NEGR1: variants seen among roughly 807,000 people sequenced by gnomAD.
NEGR1 encodes IgLON family member 4.
Under a neutral mutation model 40.9 loss-of-function variants are expected in NEGR1, and 10 were observed. That is an observed-to-expected ratio of 0.24 (90% confidence interval 0.15 to 0.42). NEGR1 has a LOEUF of 0.42. Among genes scored for constraint, NEGR1 ranks in the 10% least tolerant of loss-of-function variants. The pLI is 1.00. For synonymous variants in NEGR1, 185 were observed against 166.8 expected (o/e 1.11, Z -0.84); for missense variants, 352 against 438.9 (o/e 0.80, Z 1.77).
chr1:71,659,012 A>G (rs1332346301), intron 4 of NEGR1, among the ~76,000 whole-genome samples: 2 of 152,160 alleles, frequency 1.3e-5, no homozygotes, highest in Admixed American at 1.3e-4. Context: ...GCTTGACCCA[A>G]TGTGATAAGA....
chr1:71,977,175 A>T (rs577903380), intron 1 of NEGR1, among the ~76,000 whole-genome samples: 5 of 152,202 alleles, frequency 3.3e-5, no homozygotes, highest in African/African-American at 9.6e-5. Flanking sequence ...ATACAAAAAA[A>T]ATTAGCTGGG....
chr1:71,461,608 A>G (rs1245547680), intron 6 of NEGR1: 1 of 152,168 alleles, frequency 6.6e-6, no homozygotes. Flanking sequence ...GCTTATGTCT[A>G]ATCTTCCCAT....
intron 6 of NEGR1, among the ~76,000 whole-genome samples, chr1:71,553,008 A>C (rs1173228046): frequency 2.0e-5 from 3 of 151,506 alleles, no homozygotes; most frequent in African/African-American, 7.3e-5. Flanking sequence ...ATTTATTTGC[A>C]GTCTATTTCG....
chr1:71,593,659 AAC>A (rs1323115344), intron 5 of NEGR1, among the ~76,000 whole-genome samples: 1 of 152,204 alleles, frequency 6.6e-6, no homozygotes, highest in Non-Finnish European at 1.5e-5. Flanking sequence ...CTAATTGTCC[AAC>A]AGTCTCTGGA....
chr1:72,003,526 CT>C (rs146941658), intron 1 of NEGR1, among the ~76,000 whole-genome samples: 7 of 151,786 alleles, frequency 4.6e-5, no homozygotes, highest in African/African-American at 7.3e-5. Context: ...GATTTGGATA[CT>C]TTTAGGTAGA....
chr1:71,609,529 AAAAAAAAAAAAAAAAAAAAAAAAAAAAG>A (rs1413375488), intron 5 of NEGR1, among the ~76,000 whole-genome samples: 1 of 106,118 alleles, frequency 9.4e-6, no homozygotes, highest in Non-Finnish European at 1.9e-5. Context: ...AAAAAAAAAA[AAAAAAAAAAAAAAAAAAAAAAAAAAAAG>A]AAATGAGACT....
At chr1:71,997,206 C>A (rs1393444056) in intron 1 of NEGR1, among the ~76,000 whole-genome samples, 1 of 152,054 alleles carries the variant, frequency 6.6e-6, no homozygotes. Context: ...CCATAAATTT[C>A]TCCAATTCTA....
chr1:72,168,645 T>G (rs1651852948), intron 1 of NEGR1, among the ~76,000 whole-genome samples: 1 of 152,192 alleles, frequency 6.6e-6, no homozygotes, highest in African/African-American at 2.4e-5. Context: ...ATCCCAGCAC[T>G]TTGGGAAGCC....
chr1:71,815,630 T>C (rs1658176046), intron 2 of NEGR1, among the ~76,000 whole-genome samples: 1 of 152,092 alleles, frequency 6.6e-6, no homozygotes, highest in Non-Finnish European at 1.5e-5. Context: ...TTAGTTCTTC[T>C]TGTTGAGTTG....
intron 2 of NEGR1, among the ~76,000 whole-genome samples, chr1:71,779,927 T>C (rs1379787370): frequency 2.6e-5 from 4 of 151,312 alleles, no homozygotes; most frequent in Non-Finnish European, 5.9e-5. Flanking sequence ...AGAGAATTGG[T>C]CAACTGGATG....
intron 4 of NEGR1, among the ~76,000 whole-genome samples, chr1:71,612,986 T>C (rs993908808): frequency 6.6e-6 from 1 of 152,230 alleles, no homozygotes; most frequent in East Asian, 1.9e-4. Flanking sequence ...TTTCAAGGAA[T>C]TGACTTTTAT....
Position 71,835,901 on chromosome 1 carries a change from T to C in NEGR1, c.410-59604A>G, listed in dbSNP as rs556715380. Among the ~76,000 whole-genome samples the C allele has an allele frequency of 4.0e-4, 61 of 152,244 alleles. 1 individual carries two copies. Among genetic ancestry groups the C allele is most frequent in the Middle Eastern group, 3.4e-3 (1 of 294 alleles). ...TGAGATTGTACACTATATATATGTA[T>C]ATATGCCTAGTCTATAGTATGTGTG... is the stretch of plus-strand genomic sequence containing the variant. On this transcript the variant is annotated intron_variant, in intron 2 of 6. Coordinates refer to ENST00000357731, the MANE Select transcript of NEGR1 (RefSeq NM_173808.3).
At chr1:71,453,505 T>C (rs1176151391) in intron 6 of NEGR1, among the ~76,000 whole-genome samples, 1 of 152,188 alleles carries the variant, frequency 6.6e-6, no homozygotes, top group South Asian at 2.1e-4. Context: ...ATCTTGCATT[T>C]AGTTTCATAG....
intron 1 of NEGR1, among the ~76,000 whole-genome samples, chr1:71,968,552 G>T (rs563995429): frequency 6.6e-6 from 1 of 152,252 alleles, no homozygotes; most frequent in South Asian, 2.1e-4. Flanking sequence ...TTTAAAGGGG[G>T]AATAATATTT....
At chr1:71,600,156 G>C (rs897895809) in intron 5 of NEGR1, among the ~76,000 whole-genome samples, 2 of 152,152 alleles carry the variant, frequency 1.3e-5, no homozygotes, top group African/African-American at 4.8e-5. Context: ...GGATTCATTT[G>C]TACTAATAGT....
intron 6 of NEGR1, among the ~76,000 whole-genome samples, chr1:71,445,736 C>T (rs1028532013): frequency 6.6e-6 from 1 of 152,190 alleles, no homozygotes; most frequent in Admixed American, 6.5e-5. Context: ...TACGTACCAG[C>T]AAGCAATTGG....
intron 1 of NEGR1, among the ~76,000 whole-genome samples, chr1:72,139,646 T>C (rs1030645412): frequency 6.6e-6 from 1 of 152,096 alleles, no homozygotes; most frequent in Non-Finnish European, 1.5e-5. Context: ...AAATCATTTA[T>C]GTAAAATTCT....
chr1:72,275,717 G>A (rs879549159), intron 1 of NEGR1, among the ~76,000 whole-genome samples: 5 of 152,012 alleles, frequency 3.3e-5, no homozygotes, highest in Non-Finnish European at 7.4e-5. Flanking sequence ...AATGACAATC[G>A]CTTATTTATA....
rs1237580173 is a variant in NEGR1, at chr1:72,093,369, CAA to C, written c.177-158060_177-158059del. The stretch of plus-strand genomic sequence containing the variant: ...GATGCTCAAATGTTAGAATAAACAG[CAA>C]AAAAATTTTAGTTATTAAACTAACA... On this transcript the variant is annotated intron_variant, in intron 1 of 6. Transcript: ENST00000357731. Among the ~76,000 whole-genome samples the C allele has an allele frequency of 4.2e-5, 6 of 143,554 alleles. No individual in the cohort carries two copies. The South Asian group carries it at 1.3e-3, about 31-fold the overall frequency. 94.2% of individuals were successfully genotyped at this position (143,554 alleles called of 152,430 possible). A position where few individuals can be genotyped will look rare whatever the true frequency, so the allele number is the denominator to read the frequency against.
Sources: allele counts gnomAD v4.1 joint callset (sites outside exome capture counted in the v4.1 genomes callset), GRCh38; gene constraint gnomAD v4.1.1; transcripts MANE v1.5; gene names NCBI Gene and HGNC (gene_info 2026-07-23, HGNC 2026-07-21).